Variants in PHF21B observed in about 807,000 individuals in gnomAD.
PHF21B encodes the protein PHD finger protein 21B.
In PHF21B, 22 loss-of-function variants were observed where a neutral mutation model predicts 62.2. That is an observed-to-expected ratio of 0.35 (90% CI 0.25 to 0.51). PHF21B has a LOEUF of 0.51. Among genes scored for constraint, PHF21B ranks in the 20% least tolerant of loss-of-function variants. The pLI, the probability that PHF21B is intolerant of heterozygous loss-of-function variation, is 0.97. For missense variants in PHF21B, 701 were observed against 707.9 expected, an observed-to-expected ratio of 0.99 and a Z score of 0.11; for synonymous variants, 341 against 314.7, an observed-to-expected ratio of 1.08 and a Z score of -0.88.
intron 2 of PHF21B, among the ~76,000 whole-genome samples, chr22:44,941,763 C>G (rs977594593): frequency 1.3e-5 from 2 of 152,110 alleles, no homozygotes; most frequent in Non-Finnish European, 2.9e-5. Context: ...AGGAAACAGA[C>G]CTGCTCATGG....
chr22:44,897,526 T>G (rs1387664704), intron 5 of PHF21B, among the ~76,000 whole-genome samples: 7 of 152,128 alleles, frequency 4.6e-5, no homozygotes, highest in Admixed American at 3.3e-4. Flanking sequence ...GAAGAACAAC[T>G]CCTGGAGCCT....
rs2073379068 is a variant in PHF21B, at chr22:45,009,075, C to A, written c.54+421G>T. On this transcript the variant is annotated intron_variant, in intron 1 of 12. Transcript: ENST00000313237. This position sits in a 1 kb window ranked among gnomAD's most constrained non-coding sequence, Gnocchi z 5.9. ...AGGCTCCGGCCGCCACGCCGCCGCT[C>A]GCCAGCAGCGATCGCCAAAACTACT... 3 of 1,106,248 alleles carry A rather than the reference C, an allele frequency of 2.7e-6. No individual in the cohort carries two copies. Among genetic ancestry groups the A allele is most frequent in the Non-Finnish European group, 3.3e-6 (3 of 897,982 alleles). 68.5% of individuals were successfully genotyped at this position (1,106,248 alleles called of 1,614,324 possible). A position where few individuals can be genotyped will look rare whatever the true frequency, so the allele number is the denominator to read the frequency against.
chr22:44,980,669 C>T (rs970024652), intron 2 of PHF21B, among the ~76,000 whole-genome samples: 1 of 152,216 alleles, frequency 6.6e-6, no homozygotes, highest in Non-Finnish European at 1.5e-5. Flanking sequence ...ACTGCCTCCC[C>T]CAAGACCGCA....
At chr22:44,883,352 A>G (rs2070772379) in intron 12 of PHF21B, 48 bp from the exon 13 acceptor site, 1 of 1,573,636 alleles carries the variant, frequency 6.4e-7, no homozygotes, top group Admixed American at 1.7e-5. Context: ...TCGGCTCTAC[A>G]GCCATCCTGG....
intron 2 of PHF21B, among the ~76,000 whole-genome samples, chr22:44,978,343 T>C (rs2072776283): frequency 6.6e-6 from 1 of 152,166 alleles, no homozygotes; most frequent in African/African-American, 2.4e-5. Flanking sequence ...GGACTCTCCC[T>C]GTGATTTTGT....
At chr22:44,991,692 C>T (rs1231592993) in intron 2 of PHF21B, among the ~76,000 whole-genome samples, 3 of 152,214 alleles carry the variant, frequency 2.0e-5, no homozygotes, top group African/African-American at 7.2e-5. Flanking sequence ...GTGGTGGCCA[C>T]TGTCTCCACC....
chr22:44,953,779 C>A (rs868329503), intron 2 of PHF21B, among the ~76,000 whole-genome samples: 1 of 152,222 alleles, frequency 6.6e-6, no homozygotes, highest in Non-Finnish European at 1.5e-5. Context: ...TAATACCTAA[C>A]ATCTTATGGA....
intron 5 of PHF21B, among the ~76,000 whole-genome samples, chr22:44,905,148 C>T (rs1042687511): frequency 1.3e-5 from 2 of 152,184 alleles, no homozygotes; most frequent in African/African-American, 4.8e-5. Flanking sequence ...GCCCTGTCAC[C>T]CTACACCGAC....
intron 5 of PHF21B, among the ~76,000 whole-genome samples, chr22:44,903,086 G>T (rs940156344): frequency 1.1e-4 from 17 of 152,186 alleles, no homozygotes; most frequent in African/African-American, 4.1e-4. Context: ...CAGATTGCAG[G>T]TGCAATCCCT....
intron 2 of PHF21B, among the ~76,000 whole-genome samples, chr22:44,942,506 G>A (rs981988206): frequency 2.0e-5 from 3 of 152,192 alleles, no homozygotes; most frequent in Admixed American, 1.3e-4. Context: ...ACAGGGAAAC[G>A]TGACCTGCCA....
rs891021871 is a variant in PHF21B, at chr22:44,908,005, G to A, written c.831+5817C>T. Among the ~76,000 whole-genome samples the A allele has an allele frequency of 9.2e-5, 14 of 152,270 alleles. No homozygotes were observed. In the East Asian group the frequency reaches 1.5e-3, roughly 17 times the overall value. On this transcript the variant is annotated intron_variant, in intron 5 of 12. Coordinates refer to ENST00000313237, the MANE Select transcript of PHF21B (RefSeq NM_138415.5). ...AGGCTGGTAATGCGGCCCCTTTCAC[G>A]CCCATAATGTTTATATGCAGGAAAA...
rs2073185210 is a variant in PHF21B at position 44,999,979 on chromosome 22, TG to T, written c.120+8565del. On this transcript the variant is annotated intron_variant, in intron 2 of 12. Coordinates refer to ENST00000313237, the MANE Select transcript of PHF21B (RefSeq NM_138415.5). ...CTGCGGCCTCTCGAAGATTGTTTCT[TG>T]AGTGCTCACCGAGCACCAGGCACTC... Among the ~76,000 whole-genome samples the T allele has an allele frequency of 5.3e-5, 8 of 152,246 alleles. No individual in the cohort carries two copies. In the South Asian group the frequency reaches 1.7e-3, roughly 32 times the overall value.
At chr22:44,890,836 C>T (rs1043488559) in intron 8 of PHF21B, among the ~76,000 whole-genome samples, 10 of 152,234 alleles carry the variant, frequency 6.6e-5, no homozygotes, top group Admixed American at 4.6e-4. Flanking sequence ...ACACACACAG[C>T]GAGGCAGAGG....
At chr22:44,933,313 G>A (rs564060260) in intron 2 of PHF21B, among the ~76,000 whole-genome samples, 1 of 152,246 alleles carries the variant, frequency 6.6e-6, no homozygotes, top group African/African-American at 2.4e-5. Flanking sequence ...GTTTCTCCAT[G>A]TTGGTCAGGC....
chr22:44,955,692 T>C (rs527744896), intron 2 of PHF21B, among the ~76,000 whole-genome samples: 8 of 152,254 alleles, frequency 5.3e-5, no homozygotes, highest in African/African-American at 1.9e-4. Flanking sequence ...AGGCCTTAGA[T>C]TTGGACTGAA....
rs368463834 is a variant in PHF21B at position 44,911,575 on chromosome 22, G to A, written c.831+2247C>T. ...TTCAGAGGGTGGAAGCACAAGCCTC[G>A]GCAGCTTCCACATGGTGTTGAGTCT... On this transcript the variant is annotated intron_variant, in intron 5 of 12. Coordinates refer to ENST00000313237, the MANE Select transcript of PHF21B (RefSeq NM_138415.5). 1.2e-4 allele frequency among the ~76,000 whole-genome samples: 18 copies of A among 152,312 alleles called. No homozygotes were observed. The South Asian group carries it at 1.2e-3, about 11-fold the overall frequency.
At chr22:44,893,752 T>C (rs2071008647) in intron 6 of PHF21B, among the ~76,000 whole-genome samples, 3 of 152,202 alleles carry the variant, frequency 2.0e-5, no homozygotes, top group Non-Finnish European at 4.4e-5. Flanking sequence ...GAATGACAGA[T>C]TGGTGGGAGG....
chr22:44,979,600 C>T (rs1398838450), intron 2 of PHF21B, among the ~76,000 whole-genome samples: 1 of 152,174 alleles, frequency 6.6e-6, no homozygotes, highest in African/African-American at 2.4e-5. Flanking sequence ...GCAGCTGTGC[C>T]TCTCCCCTCT....
In PHF21B at chr22:44,969,981, A is replaced by G. The variant is rs185287661; in HGVS notation, c.120+38564T>C. Among the ~76,000 whole-genome samples the G allele has an allele frequency of 2.6e-5, 4 of 152,300 alleles. No individual in the cohort carries two copies. The East Asian group carries it at 7.7e-4, about 29-fold the overall frequency. On this transcript the variant is annotated intron_variant, in intron 2 of 12. Transcript: ENST00000313237. Reference sequence around the variant, plus strand: ...AAGCTCTTGACTCTATCATCATCACATCCTCCAGCAGCGCAGCCACTTCAT... The same window carrying G: ...AAGCTCTTGACTCTATCATCATCACGTCCTCCAGCAGCGCAGCCACTTCAT...
Sources: allele counts gnomAD v4.1 joint callset (sites outside exome capture counted in the v4.1 genomes callset), GRCh38; gene constraint gnomAD v4.1.1; non-coding constraint Gnocchi (gnomAD v3.1); transcripts MANE v1.5; gene names NCBI Gene and HGNC (gene_info 2026-07-23, HGNC 2026-07-21).